Variants in GOLGA8M observed in about 807,000 individuals in gnomAD.
GOLGA8M encodes golgin A8 family member M.
In GOLGA8M, 34 loss-of-function variants were observed where a neutral mutation model predicts 87.7. The ratio of observed to expected loss-of-function variants is 0.39; its 90% CI spans 0.29 to 0.52. The LOEUF is 0.52. GOLGA8M is among the 20% of genes least tolerant of loss of function. The pLI, the probability that GOLGA8M is intolerant of heterozygous loss-of-function variation, is 0.80. For synonymous variants in GOLGA8M, 138 were observed against 250.2 expected (o/e 0.55, Z 4.23); for missense variants, 396 against 682.2 (o/e 0.58, Z 4.67).
intron 1 of GOLGA8M, chr15:28,711,886 G>A (rs1348130846): frequency 3.0e-6 from 3 of 985,090 alleles, no homozygotes; most frequent in Non-Finnish European, 3.6e-6. Flanking sequence ...GGAGGGCAGA[G>A]TCTGCAGCAG....
chr15:28,706,830 G>A lies in GOLGA8M; in HGVS notation c.592-131C>T, dbSNP rs1208233549. ...AAGATCAAGGCATTTCCAAGCCCGT[G>A]GTCTGGTTTTTAAAAGAACACAGTA... On this transcript the variant is annotated intron_variant, in intron 8 of 18. Coordinates refer to ENST00000563027, the MANE Select transcript of GOLGA8M (RefSeq NM_001282468.3). The A allele has an allele frequency of 1.6e-5, 13 of 838,314 alleles. 1 individual carries two copies. The highest frequency in any genetic ancestry group is 2.2e-5 in the Non-Finnish European group (12 of 540,940). 51.9% of individuals were successfully genotyped at this position (838,314 alleles called of 1,614,324 possible). A position where few individuals can be genotyped will look rare whatever the true frequency, so the allele number is the denominator to read the frequency against.
chr15:28,698,677 T>C lies in GOLGA8M; in HGVS notation c.*3277A>G, dbSNP rs2079739023. Reference sequence around the variant, plus strand: ...TGTAAAAATGAAACACATTATCTCATGCCAAGCATGCCCAGCATTTGCACA... The same window carrying C: ...TGTAAAAATGAAACACATTATCTCACGCCAAGCATGCCCAGCATTTGCACA... On this transcript the variant is annotated 3_prime_UTR_variant, in exon 19 of 19. Coordinates refer to ENST00000563027, the MANE Select transcript of GOLGA8M (RefSeq NM_001282468.3). Among the ~76,000 whole-genome samples the C allele has an allele frequency of 6.8e-6, 1 of 147,116 alleles. No homozygotes were observed. Among genetic ancestry groups the C allele is most frequent in the African/African-American group, 2.6e-5 (1 of 38,040 alleles).
chr15:28,712,650 C>T (rs550772757), upstream of GOLGA8M, among the ~76,000 whole-genome samples: 5 of 151,496 alleles, frequency 3.3e-5, no homozygotes, highest in Admixed American at 6.6e-5. Context: ...AGAAGAGGGG[C>T]CAGCTTTTGC....
At chr15:28,711,689 C>G (rs376837352) in intron 1 of GOLGA8M, 44 of 984,584 alleles carry the variant, frequency 4.5e-5, no homozygotes, top group Middle Eastern at 5.2e-4. Context: ...CTTGCAGTAA[C>G]GGCAGTTACT....
Position 28,698,819 on chromosome 15 carries a change from G to A in GOLGA8M, c.*3135C>T, listed in dbSNP as rs1364244192. Among the ~76,000 whole-genome samples, 2 of 144,118 alleles carry A rather than the reference G, an allele frequency of 1.4e-5. No homozygotes were observed. Among genetic ancestry groups the A allele is most frequent in the Non-Finnish European group, 3.0e-5 (2 of 67,640 alleles). The allele number at this position is 144,118 out of a possible 152,430, so 94.5% of individuals were successfully genotyped here. On this transcript the variant is annotated 3_prime_UTR_variant, in exon 19 of 19. Coordinates refer to ENST00000563027, the MANE Select transcript of GOLGA8M (RefSeq NM_001282468.3). ...ACATTACAGTGGCATCACACCAGCA[G>A]TCAATAAGGCCACTCTAGGGAAAAA...
Position 28,706,711 on chromosome 15 carries a change from AGAGT to A in GOLGA8M, c.592-16_592-13del. 6.9e-7 allele frequency: 1 copy of A among 1,440,272 alleles called. No homozygotes were observed. Among genetic ancestry groups the A allele is most frequent in the South Asian group, 1.2e-5 (1 of 83,942 alleles). 89.2% of individuals were successfully genotyped at this position (1,440,272 alleles called of 1,614,324 possible). On this transcript the variant is annotated splice_polypyrimidine_tract_variant and intron_variant, in intron 8 of 18. Transcript: ENST00000563027. ...CTGGGGCTGGACAACTGGATGGCAAAGAGTGAGAAGTTTCAATCTGGAGAGCCTG... is the reference window on the plus strand; with the variant it reads ...CTGGGGCTGGACAACTGGATGGCAAAGAGAAGTTTCAATCTGGAGAGCCTG...
In GOLGA8M at chr15:28,702,208, A is replaced by T; in HGVS notation, c.1723+6T>A. 3.8e-6 allele frequency: 6 copies of T among 1,589,480 alleles called. 1 individual carries two copies. Among genetic ancestry groups the T allele is most frequent in the Non-Finnish European group, 5.1e-6 (6 of 1,173,118 alleles). On this transcript the variant is annotated splice_donor_region_variant and intron_variant, in intron 18 of 18. Coordinates refer to ENST00000563027, the MANE Select transcript of GOLGA8M (RefSeq NM_001282468.3). ...CCTGCCCACACCACCTGAGGGCTGTACTCACCACCATGCTTGTCTGCAGCC... is the reference window on the plus strand; with the variant it reads ...CCTGCCCACACCACCTGAGGGCTGTTCTCACCACCATGCTTGTCTGCAGCC...
chr15:28,707,620 A>C, intron 8 of GOLGA8M, 128 bp downstream of exon 8: 2 of 767,762 alleles, frequency 2.6e-6, no homozygotes, highest in Non-Finnish European at 2.2e-6. Context: ...AACCATACAA[A>C]AAAGTAGCAA....
At chr15:28,705,972 ACAAGACTCGCCGTCT>A in intron 11 of GOLGA8M, 129 bp downstream of exon 11, 1 of 1,018,788 alleles carries the variant, frequency 9.8e-7, no homozygotes, top group Non-Finnish European at 1.5e-6. Context: ...CATTGAGATG[ACAAGACTCGCCGTCT>A]CCTGGCACAG....
At chr15:28,706,934 T>C (rs944275543) in intron 8 of GOLGA8M, among the ~76,000 whole-genome samples, 7 of 144,070 alleles carry the variant, frequency 4.9e-5, no homozygotes, top group African/African-American at 1.8e-4. Context: ...ATATTGCTAT[T>C]GTTATTACTG....
rs1411528675 is a variant in GOLGA8M, at chr15:28,701,773, CACAG to C, written c.*177_*180del. On this transcript the variant is annotated 3_prime_UTR_variant, in exon 19 of 19. Transcript: ENST00000563027. ...TGCCAGAGTGAACATCAGTGAGAGC[CACAG>C]ACACCCACTCTCTTTTAACTTTTTA... Among the ~76,000 whole-genome samples, 1 of 151,672 alleles carries C rather than the reference CACAG, an allele frequency of 6.6e-6. No homozygotes were observed. Among genetic ancestry groups the C allele is most frequent in the Non-Finnish European group, 1.5e-5 (1 of 67,936 alleles).
In GOLGA8M at chr15:28,699,784, GT is replaced by G. The variant is rs2079752128; in HGVS notation, c.*2169del. Among the ~76,000 whole-genome samples the G allele has an allele frequency of 1.2e-5, 1 of 80,188 alleles. No homozygotes were observed. Among genetic ancestry groups the G allele is most frequent in the Non-Finnish European group, 2.2e-5 (1 of 46,156 alleles). 52.6% of individuals were successfully genotyped at this position (80,188 alleles called of 152,430 possible). ...GTTTCAGAATGATAAAAGAAAAAAC[GT>G]TAGACCAAATAATGTGGCTGATTAA... On this transcript the variant is annotated 3_prime_UTR_variant, in exon 19 of 19. Coordinates refer to ENST00000563027, the MANE Select transcript of GOLGA8M (RefSeq NM_001282468.3).
In GOLGA8M at chr15:28,705,166, A is replaced by G. The variant is rs747365794; in HGVS notation, c.1193T>C (p.Leu398Pro). 1.3e-6 allele frequency: 2 copies of G among 1,598,282 alleles called. No homozygotes were observed. The highest frequency in any genetic ancestry group is 1.1e-5 in the South Asian group (1 of 91,012). Residue 398 changes from leucine (L) to proline (P), a missense_variant, in exon 13 of 19, where the codon CTT becomes CCT. Around this residue, in one of 12 missense-constraint regions of GOLGA8M, gnomAD observed 44 missense variants for 46.7 expected, o/e 0.94. Coordinates refer to ENST00000563027, the MANE Select transcript of GOLGA8M (RefSeq NM_001282468.3). ...EQQVKELQEK[L>P]GEEHLEAASQ... ...GGTTTCCGACTCCTTCACCTCGCCA[A>G]GCTTCTCCTGTAGCTCCTTTACTTG...
rs1165895962 is a variant in GOLGA8M, at chr15:28,699,914, C to CGA, written c.*2038_*2039dup. Reference sequence around the variant, plus strand: ...AGCGGCAAGTTCAGAAAATAAAAGGCGAGAACAGGACTTTAAGTGCATTTT... The same window carrying CGA: ...AGCGGCAAGTTCAGAAAATAAAAGGCGAGAGAACAGGACTTTAAGTGCATTTT... On this transcript the variant is annotated 3_prime_UTR_variant, in exon 19 of 19. Coordinates refer to ENST00000563027, the MANE Select transcript of GOLGA8M (RefSeq NM_001282468.3). Among the ~76,000 whole-genome samples the CGA allele has an allele frequency of 1.3e-5, 1 of 78,234 alleles. No homozygotes were observed. The highest frequency in any genetic ancestry group is 5.8e-5 in the African/African-American group (1 of 17,382). The allele number at this position is 78,234 out of a possible 152,430, so 51.3% of individuals were successfully genotyped here.
In GOLGA8M at chr15:28,708,149, G is replaced by A; in HGVS notation, c.373C>T (p.Gln125Ter). 6.3e-7 allele frequency: 1 copy of A among 1,587,868 alleles called. No homozygotes were observed. The highest frequency in any genetic ancestry group is 8.6e-7 in the Non-Finnish European group (1 of 1,168,332). The change falls in exon 6 of 19, where the codon CAG (glutamine) becomes TAG (stop). Residue 125 changes from glutamine (Q) to a stop codon, truncating the protein, a stop_gained. Transcript: ENST00000563027. LOFTEE classifies it high-confidence loss of function. ...ACCTCTAGCACCCTTTTGGCTTTCT[G>A]TTTCTTGTTGTTTGCTTTCTTTTCC... ...EEEKKANNKK[Q>*]KAKRVLEVQL...
At chr15:28,704,653 C>T (rs2079950277) in intron 13 of GOLGA8M, among the ~76,000 whole-genome samples, 1 of 143,942 alleles carries the variant, frequency 6.9e-6, no homozygotes, top group Non-Finnish European at 1.5e-5. Context: ...TCTCAGCTCA[C>T]TGCAACCTCC....
chr15:28,707,799 T>C lies in GOLGA8M; in HGVS notation c.540A>G (p.Leu180=). The C allele has an allele frequency of 1.3e-6, 2 of 1,577,038 alleles. No homozygotes were observed. Among genetic ancestry groups the C allele is most frequent in the Non-Finnish European group, 1.7e-6 (2 of 1,173,184 alleles). The part of the protein sequence containing the change: ...LQHSLQRKGE[L]ESVLSDVMAT... ...CCATGACATCAGAGAGAACACTCTC[T>C]AACTCTCCTTTACGCTGCAATGAAT... is the stretch of plus-strand genomic sequence containing the variant. Residue 180 remains leucine, a synonymous_variant, in exon 8 of 19, where the codon TTA becomes TTG. Coordinates refer to ENST00000563027, the MANE Select transcript of GOLGA8M (RefSeq NM_001282468.3).
chr15:28,705,730 A>G lies in GOLGA8M; in HGVS notation c.884T>C (p.Leu295Ser). The change falls in exon 12 of 19, where the codon TTG (leucine) becomes TCG (serine). Residue 295 changes from leucine (L) to serine (S), a missense_variant. Physicochemically the swap from Leu to Ser is moderately radical, Grantham distance 145 (BLOSUM62 -2). Coordinates refer to ENST00000563027, the MANE Select transcript of GOLGA8M (RefSeq NM_001282468.3). The stretch of plus-strand genomic sequence containing the variant: ...GGGCACTGCTGGGGGCTCCGGGGGC[A>G]AGGGTTCAGCTGAGAAAGGAAGCAG... ...SKLKNQMAEP[L>S]PPEPPAVPSE... 6.4e-7 allele frequency: 1 copy of G among 1,569,558 alleles called. No individual in the cohort carries two copies. Among genetic ancestry groups the G allele is most frequent in the Non-Finnish European group, 8.5e-7 (1 of 1,176,146 alleles).
chr15:28,708,074 G>A (rs889715258), intron 6 of GOLGA8M, 37 bp from the exon 7 acceptor site: 2 of 1,608,398 alleles, frequency 1.2e-6, no homozygotes, highest in African/African-American at 2.7e-5. Context: ...TGAAAGAGAA[G>A]GAAAGAAACA....
Sources: allele counts gnomAD v4.1 joint callset (sites outside exome capture counted in the v4.1 genomes callset), GRCh38; gene constraint gnomAD v4.1.1; regional missense constraint gnomAD v4.1.1; transcripts MANE v1.5; gene names NCBI Gene and HGNC (gene_info 2026-07-23, HGNC 2026-07-21).